GPC5: variants seen among roughly 807,000 people sequenced by gnomAD.
The protein encoded by GPC5 is glypican-5.
Under a neutral mutation model 53.9 loss-of-function variants are expected in GPC5, and 47 were observed. The observed-to-expected ratio is 0.87, with a 90% CI of 0.69 to 1.11. The LOEUF (loss-of-function observed/expected upper bound fraction) is 1.11. Among genes scored for constraint, GPC5 ranks in the 50% most tolerant of loss-of-function variants. The pLI is 0.00. For missense variants in GPC5, 748 were observed against 713.1 expected (o/e 1.05, Z -0.56); for synonymous variants, 286 against 263.3 (o/e 1.09, Z -0.84).
intron 7 of GPC5, among the ~76,000 whole-genome samples, chr13:92,429,832 A>AT (rs1399001816): frequency 1.1e-4 from 16 of 152,060 alleles, no homozygotes; most frequent in Non-Finnish European, 1.8e-4. Flanking sequence ...CGTAATACTA[A>AT]TTTTTTTACA....
intron 6 of GPC5, among the ~76,000 whole-genome samples, chr13:92,142,039 T>G (rs1157373836): frequency 6.6e-6 from 1 of 152,072 alleles, no homozygotes; most frequent in Non-Finnish European, 1.5e-5. Context: ...CTGGTGATAG[T>G]CAGAGGAAAC....
chr13:92,780,108 C>T (rs1875964903), intron 7 of GPC5, among the ~76,000 whole-genome samples: 1 of 151,976 alleles, frequency 6.6e-6, no homozygotes, highest in African/African-American at 2.4e-5. Context: ...AGTCTGTTTG[C>T]AGTACAGTTT....
intron 7 of GPC5, among the ~76,000 whole-genome samples, chr13:92,295,642 A>G (rs953392811): frequency 2.0e-5 from 3 of 152,168 alleles, no homozygotes; most frequent in Non-Finnish European, 2.9e-5. Flanking sequence ...GAGCTCCAGT[A>G]TTAGGTGCAT....
intron 7 of GPC5, among the ~76,000 whole-genome samples, chr13:92,696,232 G>T (rs1483558545): frequency 6.6e-6 from 1 of 152,092 alleles, no homozygotes; most frequent in African/African-American, 2.4e-5. Context: ...ATTGCTTGGT[G>T]AAATGGCATT....
chr13:92,452,436 C>T (rs1237231870), intron 7 of GPC5, among the ~76,000 whole-genome samples: 2 of 152,070 alleles, frequency 1.3e-5, no homozygotes, highest in Admixed American at 6.6e-5. Flanking sequence ...AAAGGCTTAT[C>T]GGAAATACAT....
chr13:92,041,942 G>A (rs988502823), intron 6 of GPC5, among the ~76,000 whole-genome samples: 1 of 152,184 alleles, frequency 6.6e-6, no homozygotes, highest in Non-Finnish European at 1.5e-5. Flanking sequence ...TCAGAGTGGA[G>A]AAAGTGTCTT....
intron 7 of GPC5, among the ~76,000 whole-genome samples, chr13:92,822,990 G>A (rs142837505): frequency 6.6e-6 from 1 of 151,752 alleles, no homozygotes. Flanking sequence ...AAAAAATCAC[G>A]AGTGCCACAG....
intron 2 of GPC5, among the ~76,000 whole-genome samples, chr13:91,465,232 G>T (rs1176630404): frequency 2.6e-5 from 4 of 151,974 alleles, no homozygotes; most frequent in Admixed American, 6.6e-5. Context: ...TATTGTAGGG[G>T]CAATTAACAT....
At chr13:91,810,817 ATACT>A (rs2038299512) in intron 5 of GPC5, among the ~76,000 whole-genome samples, 1 of 151,908 alleles carries the variant, frequency 6.6e-6, no homozygotes, top group African/African-American at 2.4e-5. Flanking sequence ...AAAATAGTTA[ATACT>A]AATGAAGGGA....
chr13:92,698,078 A>T (rs1887611306), intron 7 of GPC5, among the ~76,000 whole-genome samples: 1 of 151,948 alleles, frequency 6.6e-6, no homozygotes, highest in Non-Finnish European at 1.5e-5. Flanking sequence ...AAGCTTTTTG[A>T]TGTGCTGCTG....
intron 7 of GPC5, among the ~76,000 whole-genome samples, chr13:92,615,036 T>A (rs565552211): frequency 6.6e-6 from 1 of 152,338 alleles, no homozygotes; most frequent in East Asian, 1.9e-4. Flanking sequence ...GCTTTTCTCC[T>A]TAAAAGGGTC....
At chr13:92,010,850 AAAT>A (rs887486650) in intron 6 of GPC5, among the ~76,000 whole-genome samples, 2 of 152,210 alleles carry the variant, frequency 1.3e-5, no homozygotes, top group Non-Finnish European at 2.9e-5. Context: ...GTGATAAAAT[AAAT>A]TCCCATTGTG....
intron 4 of GPC5, among the ~76,000 whole-genome samples, chr13:91,729,272 G>A (rs1389791445): frequency 2.6e-5 from 4 of 152,016 alleles, no homozygotes; most frequent in Admixed American, 2.0e-4. Context: ...TATTTCACAG[G>A]TTAAATTCAG....
chr13:91,856,301 C>T (rs1326523984), intron 5 of GPC5, among the ~76,000 whole-genome samples: 1 of 151,424 alleles, frequency 6.6e-6, no homozygotes, highest in Non-Finnish European at 1.5e-5. Context: ...ATGTAAAAGC[C>T]TTTTTGTGGG....
chr13:91,432,779 A>G lies in GPC5; in HGVS notation c.164-15982A>G, dbSNP rs1730322542. The stretch of plus-strand genomic sequence containing the variant: ...TACAGCAGTATATTGTTAAGGAAAA[A>G]TATTTGTAAAAATATAAATACAATA... On this transcript the variant is annotated intron_variant, in intron 1 of 7. Coordinates refer to ENST00000377067, the MANE Select transcript of GPC5 (RefSeq NM_004466.6). 2.0e-5 allele frequency among the ~76,000 whole-genome samples: 3 copies of G among 152,222 alleles called. No individual in the cohort carries two copies. The South Asian group carries it at 6.2e-4, about 31-fold the overall frequency.
intron 7 of GPC5, among the ~76,000 whole-genome samples, chr13:92,623,874 T>A (rs1252133214): frequency 4.7e-5 from 6 of 126,950 alleles, no homozygotes; most frequent in Non-Finnish European, 1.1e-4. Flanking sequence ...TTATTTATTT[T>A]GAGACAGAGT....
In GPC5 at chr13:92,070,970, G is replaced by A. The variant is rs2041206259; in HGVS notation, c.1402-73860G>A. Among the ~76,000 whole-genome samples, 4 of 152,182 alleles carry A rather than the reference G, an allele frequency of 2.6e-5. No individual in the cohort carries two copies. The South Asian group carries it at 8.3e-4, about 31-fold the overall frequency. ...TGAAATCTGTTGGCCAGGAGTGGTG[G>A]CTCACGCCTGTAATCCCAGCACTTT... On this transcript the variant is annotated intron_variant, in intron 6 of 7. Coordinates refer to ENST00000377067, the MANE Select transcript of GPC5 (RefSeq NM_004466.6).
intron 6 of GPC5, among the ~76,000 whole-genome samples, chr13:91,929,935 C>G (rs1423604532): frequency 6.6e-6 from 1 of 151,926 alleles, no homozygotes; most frequent in Admixed American, 6.6e-5. Context: ...GTAGTTATTA[C>G]AAAATGATCT....
chr13:92,278,151 A>G (rs1383872826), intron 7 of GPC5, among the ~76,000 whole-genome samples: 1 of 151,892 alleles, frequency 6.6e-6, no homozygotes, highest in Non-Finnish European at 1.5e-5. Context: ...ATTACTTAAC[A>G]TTAGTATAAA....
Sources: gnomAD v4.1 joint callset for allele counts (sites outside exome capture counted in the v4.1 genomes callset) on GRCh38, gnomAD v4.1.1 for gene constraint, MANE v1.5 for transcripts, NCBI Gene and HGNC (gene_info 2026-07-23, HGNC 2026-07-21) for gene names.